The following SATL1 variants were observed in gnomAD, a reference collection of about 807,000 sequenced individuals.
SATL1 encodes the protein spermidine/spermine N1-acetyl transferase like 1, also known as spermidine/spermine N(1)-acetyltransferase-like protein 1.
Under a neutral mutation model 51.8 loss-of-function variants are expected in SATL1, and 47 were observed. That is an observed-to-expected ratio of 0.91 (90% CI 0.72 to 1.16). The LOEUF is 1.16. Ranked by LOEUF, SATL1 falls within the 50% of genes most tolerant of loss-of-function variation. The pLI, the probability that SATL1 is intolerant of heterozygous loss-of-function variation, is 0.00. For synonymous variants in SATL1, 176 were observed against 182.4 expected, an observed-to-expected ratio of 0.97 and a Z score of 0.28; for missense variants, 520 against 526.4, an observed-to-expected ratio of 0.99 and a Z score of 0.12.
intron 2 of SATL1, among the ~76,000 whole-genome samples, chrX:85,180,578 G>A (rs1927180019): frequency 9.0e-6 from 1 of 111,687 alleles, no homozygotes; most frequent in South Asian, 3.7e-4. Context: ...TGACAGAAAT[G>A]TCCTTATGTG....
intron 2 of SATL1, among the ~76,000 whole-genome samples, chrX:85,139,270 T>C (rs1035212026): frequency 1.8e-5 from 2 of 111,771 alleles, no homozygotes; most frequent in African/African-American, 6.5e-5. Context: ...AGCACTGTGG[T>C]AAATACACAC....
At chrX:85,205,187 A>T (rs1215237598) in intron 2 of SATL1, among the ~76,000 whole-genome samples, 1 of 112,173 alleles carries the variant, frequency 8.9e-6, no homozygotes, top group African/African-American at 3.2e-5. Context: ...GAAGGAACCA[A>T]TGTTATTCCT....
intron 2 of SATL1, among the ~76,000 whole-genome samples, chrX:85,213,108 A>G (rs1927963585): frequency 8.9e-6 from 1 of 111,887 alleles, no homozygotes; most frequent in African/African-American, 3.2e-5. Context: ...ATAAGTATTC[A>G]TAATGTATAT....
At chrX:85,131,525 T>G (rs1410948490) in intron 2 of SATL1, among the ~76,000 whole-genome samples, 1 of 110,977 alleles carries the variant, frequency 9.0e-6, no homozygotes, top group Non-Finnish European at 1.9e-5. Flanking sequence ...ATCCTTTTAT[T>G]TTGAGCCTAT....
intron 2 of SATL1, among the ~76,000 whole-genome samples, chrX:85,214,746 G>C (rs1408643455): frequency 1.8e-5 from 2 of 111,394 alleles, no homozygotes; most frequent in Non-Finnish European, 3.8e-5. Flanking sequence ...TTCCAAAAGG[G>C]AGAAATTAGC....
At chrX:85,105,519 C>A (rs1925017271) in intron 3 of SATL1, among the ~76,000 whole-genome samples, 1 of 111,786 alleles carries the variant, frequency 8.9e-6, no homozygotes, top group African/African-American at 3.3e-5. Flanking sequence ...AGGACCACCA[C>A]AATAAAAAGC....
chrX:85,214,022 C>T (rs1253557983), intron 2 of SATL1, among the ~76,000 whole-genome samples: 1 of 111,553 alleles, frequency 9.0e-6, no homozygotes, highest in Non-Finnish European at 1.9e-5. Context: ...TGTATTAGTT[C>T]CCTATTGCTG....
At chrX:85,182,749 A>AT (rs917644934) in intron 2 of SATL1, among the ~76,000 whole-genome samples, 6 of 110,753 alleles carry the variant, frequency 5.4e-5, no homozygotes, top group African/African-American at 6.6e-5. Flanking sequence ...AGCATTTGTT[A>AT]TTTTTTTTGT....
intron 2 of SATL1, among the ~76,000 whole-genome samples, chrX:85,136,504 A>G (rs1925959296): frequency 8.9e-6 from 1 of 112,208 alleles, no homozygotes; most frequent in Non-Finnish European, 1.9e-5. Context: ...CAGTAATGTC[A>G]CAGAATCTAA....
chrX:85,100,971 C>A (rs771411757), intron 4 of SATL1, among the ~76,000 whole-genome samples: 1 of 111,969 alleles, frequency 8.9e-6, no homozygotes, highest in Non-Finnish European at 1.9e-5. Context: ...TTTCAACAAA[C>A]AGTACTAGGG....
chrX:85,135,166 GC>G lies in SATL1; in HGVS notation c.-312-25887del, dbSNP rs775596754. Among the ~76,000 whole-genome samples the G allele has an allele frequency of 1.1e-4, 12 of 110,256 alleles. No individual in the cohort carries two copies. In the East Asian group the frequency reaches 2.0e-3, roughly 18 times the overall value. ...ATGGCAGGAAACAACACACACTGGGGCCTGTCGGTGGGGGACGGGGGTAGGG... is the reference window on the plus strand; with the variant it reads ...ATGGCAGGAAACAACACACACTGGGGCTGTCGGTGGGGGACGGGGGTAGGG... On this transcript the variant is annotated intron_variant, in intron 2 of 7. Transcript: ENST00000644105.
chrX:85,220,969 A>G (rs1201734683), intron 2 of SATL1, among the ~76,000 whole-genome samples: 1 of 111,174 alleles, frequency 9.0e-6, no homozygotes, highest in Non-Finnish European at 1.9e-5. Flanking sequence ...TTTTCCCTGG[A>G]CAATTGTAAC....
intron 2 of SATL1, among the ~76,000 whole-genome samples, chrX:85,136,925 A>T (rs1446912357): frequency 1.8e-5 from 2 of 111,839 alleles, no homozygotes; most frequent in Non-Finnish European, 3.8e-5. Flanking sequence ...ATAAATAGTG[A>T]TAACTCTCCC....
chrX:85,193,845 A>C (rs1408939914), intron 2 of SATL1, among the ~76,000 whole-genome samples: 1 of 112,247 alleles, frequency 8.9e-6, no homozygotes, highest in Non-Finnish European at 1.9e-5. Context: ...CACAAAAGAC[A>C]AATCTCAATC....
At chrX:85,093,932 A>G (rs1382350273) in intron 6 of SATL1, among the ~76,000 whole-genome samples, 196 bp downstream of exon 6, 1 of 111,704 alleles carries the variant, frequency 9.0e-6, no homozygotes, top group Non-Finnish European at 1.9e-5. Flanking sequence ...AACTAATAAA[A>G]TGTTTTTCTA....
chrX:85,095,203 G>A (rs1447075846), intron 4 of SATL1, among the ~76,000 whole-genome samples: 1 of 112,058 alleles, frequency 8.9e-6, no homozygotes, highest in East Asian at 2.8e-4. Flanking sequence ...AGTTAATTTG[G>A]ATCAAATTCA....
At chrX:85,227,277 C>A (rs937076339) in intron 1 of SATL1, among the ~76,000 whole-genome samples, 3 of 111,819 alleles carry the variant, frequency 2.7e-5, no homozygotes, top group Non-Finnish European at 3.8e-5. Context: ...TATCTCTCTT[C>A]ATTCTACCTG....
At chrX:85,229,739 A>C (rs1263466290) in intron 1 of SATL1, among the ~76,000 whole-genome samples, 1 of 111,938 alleles carries the variant, frequency 8.9e-6, no homozygotes, top group African/African-American at 3.2e-5. Flanking sequence ...CTGATTCAGT[A>C]AAGTTGTGGG....
At chrX:85,212,908 T>C (rs1476306881) in intron 2 of SATL1, 3 of 111,665 alleles carry the variant, frequency 2.7e-5, no homozygotes, top group Admixed American at 1.9e-4. Context: ...GACCTCACTA[T>C]AGCAAAATGA....
Sources: allele counts gnomAD v4.1 joint callset (sites outside exome capture counted in the v4.1 genomes callset), GRCh38; gene constraint gnomAD v4.1.1; transcripts MANE v1.5; gene names NCBI Gene and HGNC (gene_info 2026-07-23, HGNC 2026-07-21).